Variants in RELN observed in about 807,000 individuals in gnomAD.
RELN encodes reelin.
In RELN, 108 loss-of-function variants were observed where a neutral mutation model predicts 427.6. That is an observed-to-expected ratio of 0.25 (90% confidence interval 0.22 to 0.30). The LOEUF (loss-of-function observed/expected upper bound fraction) is 0.30, where lower values mean the gene tolerates loss of function less well. RELN is among the 10% of genes least tolerant of loss of function. RELN has a pLI of 1.00. For missense variants in RELN, 3,715 were observed against 4,302.8 expected (o/e 0.86, Z 3.82); for synonymous variants, 1,524 against 1,513.4 (o/e 1.01, Z -0.16).
intron 16 of RELN, among the ~76,000 whole-genome samples, chr7:103,645,883 C>T (rs1273395650): frequency 1.3e-5 from 2 of 151,768 alleles, no homozygotes; most frequent in African/African-American, 4.8e-5. Flanking sequence ...TATGTTAGGC[C>T]ACAACACAAG....
At chr7:103,919,459 T>G (rs1426892471) in intron 1 of RELN, among the ~76,000 whole-genome samples, 1 of 152,148 alleles carries the variant, frequency 6.6e-6, no homozygotes, top group Non-Finnish European at 1.5e-5. Context: ...ATCCCCTTTC[T>G]TTCTCTTTCA....
rs1403409325 is a variant in RELN at position 103,824,625 on chromosome 7, AGAGTGT to A, written c.473+8906_473+8911del. Among the ~76,000 whole-genome samples the A allele has an allele frequency of 3.7e-5, 3 of 81,812 alleles. No homozygotes were observed. Among genetic ancestry groups the A allele is most frequent in the Admixed American group, 1.5e-4 (1 of 6,540 alleles). The allele number at this position is 81,812 out of a possible 152,430, so 53.7% of individuals were successfully genotyped here. A position where few individuals can be genotyped will look rare whatever the true frequency, so the allele number is the denominator to read the frequency against. On this transcript the variant is annotated intron_variant, in intron 3 of 64. Transcript: ENST00000428762. This position sits in a 1 kb window ranked among gnomAD's most constrained non-coding sequence, Gnocchi z 4.4. ...CAGTGTTTTCACTTTCTTTCAAAAC[AGAGTGT>A]GTGTGTGTGTGTGTGTGTGTGTGTG...
At chr7:103,764,508 A>T (rs534557082) in intron 4 of RELN, among the ~76,000 whole-genome samples, 1 of 152,066 alleles carries the variant, frequency 6.6e-6, no homozygotes, top group African/African-American at 2.4e-5. Context: ...GATGAAAATT[A>T]TAGGTGTGAG....
chr7:103,960,567 A>G (rs559305744), intron 1 of RELN, among the ~76,000 whole-genome samples: 2 of 152,320 alleles, frequency 1.3e-5, no homozygotes, highest in South Asian at 4.1e-4. Flanking sequence ...AATATCTGGC[A>G]TATTTGACAG....
At chr7:103,642,349 G>GTT (rs201250403) in intron 16 of RELN, among the ~76,000 whole-genome samples, 1,511 of 112,726 alleles carry the variant, frequency 0.013, 40 homozygotes, top group African/African-American at 0.017. Context: ...ATTTCATAGT[G>GTT]TTTTTTTTTT....
intron 1 of RELN, among the ~76,000 whole-genome samples, chr7:103,946,759 A>G (rs1013358506): frequency 2.0e-5 from 3 of 152,226 alleles, no homozygotes; most frequent in Non-Finnish European, 4.4e-5. Context: ...ATTGTAATGC[A>G]TTAAGCTTTT....
At chr7:103,946,489 T>C (rs1443455515) in intron 1 of RELN, among the ~76,000 whole-genome samples, 74 of 152,214 alleles carry the variant, frequency 4.9e-4, no homozygotes. Context: ...AGTTCTATAG[T>C]GACCATGGCT....
At chr7:103,830,120 C>A (rs1295744780) in intron 3 of RELN, among the ~76,000 whole-genome samples, 1 of 119,006 alleles carries the variant, frequency 8.4e-6, no homozygotes. Flanking sequence ...TACAACCCTA[C>A]TTCAGAGATG....
At chr7:103,875,885 A>G (rs906720399) in intron 2 of RELN, among the ~76,000 whole-genome samples, 2 of 152,156 alleles carry the variant, frequency 1.3e-5, no homozygotes, top group Non-Finnish European at 2.9e-5. Context: ...ATGATTCTGA[A>G]GAGATTCAAG....
chr7:103,473,184 A>C (rs1342069771), intron 64 of RELN, among the ~76,000 whole-genome samples: 2 of 152,180 alleles, frequency 1.3e-5, no homozygotes, highest in African/African-American at 4.8e-5. Context: ...TTCATAGCAA[A>C]AGCAAACTGT....
intron 3 of RELN, among the ~76,000 whole-genome samples, chr7:103,786,041 G>A (rs1792006041): frequency 6.6e-6 from 1 of 151,898 alleles, no homozygotes; most frequent in South Asian, 2.1e-4. Context: ...CAGTAATGGT[G>A]TTTTCCTGCA....
intron 18 of RELN, 111 bp downstream of exon 18, chr7:103,636,124 T>A: frequency 1.2e-6 from 1 of 819,522 alleles, no homozygotes; most frequent in South Asian, 1.5e-5. Context: ...CCAACCCTAG[T>A]TAAAAATGAG....
chr7:103,837,188 A>C (rs758059679), intron 2 of RELN, among the ~76,000 whole-genome samples: 147 of 152,132 alleles, frequency 9.7e-4, no homozygotes, highest in Non-Finnish European at 1.8e-3. Flanking sequence ...TACTCTTCAC[A>C]GGTCTCTCTG....
chr7:103,764,853 A>AT (rs1562999302), intron 4 of RELN, among the ~76,000 whole-genome samples: 8 of 150,778 alleles, frequency 5.3e-5, no homozygotes, highest in African/African-American at 1.7e-4. Flanking sequence ...AAAAAAAAAA[A>AT]AAGTGCAAAA....
intron 6 of RELN, among the ~76,000 whole-genome samples, chr7:103,745,704 T>C (rs899425976): frequency 1.3e-5 from 2 of 149,006 alleles, no homozygotes; most frequent in Admixed American, 1.3e-4. Context: ...GAATCCAACT[T>C]AAAAGGGATG....
At chr7:103,878,202 T>C (rs772700643) in intron 2 of RELN, among the ~76,000 whole-genome samples, 11 of 152,000 alleles carry the variant, frequency 7.2e-5, no homozygotes, top group Admixed American at 5.3e-4. Context: ...ATCCCTCAAT[T>C]TCACACCCAC....
chr7:103,905,450 G>A (rs893908675), intron 2 of RELN, among the ~76,000 whole-genome samples: 1 of 152,106 alleles, frequency 6.6e-6, no homozygotes, highest in East Asian at 1.9e-4. Context: ...TGCATGTATA[G>A]ATGTGTACAC....
chr7:103,548,254 G>A (rs995436805), intron 41 of RELN, among the ~76,000 whole-genome samples: 1 of 152,208 alleles, frequency 6.6e-6, no homozygotes, highest in Non-Finnish European at 1.5e-5. Context: ...TTTTGCACCT[G>A]AGAACATTTA....
rs376227321 is a variant in RELN, at chr7:103,586,320, G to A, written c.4145+3276C>T. ...GGAGGTTGCAGTGAGCAGAGATCAC[G>A]CCATTGCACTCCAGCCTGGGCGACA... is the stretch of plus-strand genomic sequence containing the variant. On this transcript the variant is annotated intron_variant, in intron 28 of 64. Transcript: ENST00000428762. Among the ~76,000 whole-genome samples, 29 of 152,136 alleles carry A rather than the reference G, an allele frequency of 1.9e-4. No individual in the cohort carries two copies. In the South Asian group the frequency reaches 4.1e-3, roughly 22 times the overall value.
Sources: gnomAD v4.1 joint callset for allele counts (sites outside exome capture counted in the v4.1 genomes callset) on GRCh38, gnomAD v4.1.1 for gene constraint, Gnocchi (gnomAD v3.1) non-coding constraint, MANE v1.5 for transcripts, NCBI Gene and HGNC (gene_info 2026-07-23, HGNC 2026-07-21) for gene names.